The following PCDH15 variants were observed in gnomAD, a reference collection of about 807,000 sequenced individuals.
The protein encoded by PCDH15 is protocadherin related 15.
Under a neutral mutation model 178.5 loss-of-function variants are expected in PCDH15, and 129 were observed. The ratio of observed to expected loss-of-function variants is 0.72; its 90% CI spans 0.63 to 0.84. The LOEUF (loss-of-function observed/expected upper bound fraction) is 0.84, where lower values mean the gene tolerates loss of function less well. PCDH15 is among the 40% of genes least tolerant of loss of function. The pLI is 0.00. For missense variants in PCDH15, 2,230 were observed against 2,099.9 expected (o/e 1.06, Z -1.21); for synonymous variants, 800 against 732.0 (o/e 1.09, Z -1.50).
At chr10:55,435,756 A>G (rs183227224) in intron 2 of PCDH15, among the ~76,000 whole-genome samples, 6 of 152,306 alleles carry the variant, frequency 3.9e-5, no homozygotes, top group Admixed American at 6.5e-5. Flanking sequence ...GGGATTTATA[A>G]CTGTCGTAAA....
chr10:53,890,306 AG>A (rs1392052126), intron 26 of PCDH15, among the ~76,000 whole-genome samples: 1 of 152,184 alleles, frequency 6.6e-6, no homozygotes, highest in African/African-American at 2.4e-5. Context: ...ACATGCCTGT[AG>A]TCCCAGCTAC....
chr10:54,596,995 C>T (rs1192250699), intron 2 of PCDH15, among the ~76,000 whole-genome samples: 3 of 151,930 alleles, frequency 2.0e-5, no homozygotes, highest in Non-Finnish European at 2.9e-5. Context: ...CACAATAATA[C>T]GGGGAAATTT....
chr10:54,450,494 T>C (rs1219321239), intron 3 of PCDH15, among the ~76,000 whole-genome samples: 1 of 151,820 alleles, frequency 6.6e-6, no homozygotes, highest in African/African-American at 2.4e-5. Context: ...ACATATCTTC[T>C]TACGGCTTCT....
intron 15 of PCDH15, among the ~76,000 whole-genome samples, chr10:54,112,098 A>G (rs1023713191): frequency 7.2e-5 from 11 of 151,964 alleles, no homozygotes; most frequent in Non-Finnish European, 1.5e-5. Context: ...AGTCGAGATC[A>G]TGGCTACTGC....
At chr10:54,861,880 G>A (rs1953849452) in intron 3 of PCDH15, among the ~76,000 whole-genome samples, 1 of 152,114 alleles carries the variant, frequency 6.6e-6, no homozygotes, top group Admixed American at 6.6e-5. Flanking sequence ...GCTTCTCTCA[G>A]GAAATGACAT....
At chr10:53,918,283 A>G (rs1232128658) in intron 25 of PCDH15, among the ~76,000 whole-genome samples, 1 of 152,188 alleles carries the variant, frequency 6.6e-6, no homozygotes, top group Non-Finnish European at 1.5e-5. Context: ...TCTGCTTTGT[A>G]GATAAAGAAA....
chr10:54,164,493 A>C (rs2046014556), intron 13 of PCDH15, among the ~76,000 whole-genome samples: 1 of 152,210 alleles, frequency 6.6e-6, no homozygotes, highest in Non-Finnish European at 1.5e-5. Flanking sequence ...GTAAACTAAT[A>C]TACCCAGTTG....
At chr10:54,873,560 G>A (rs920703440) in intron 3 of PCDH15, among the ~76,000 whole-genome samples, 9 of 19,680 alleles carry the variant, frequency 4.6e-4, no homozygotes, top group Non-Finnish European at 1.0e-3. Flanking sequence ...ATACATATAC[G>A]TATGTGTGTG....
At chr10:55,040,011 A>G (rs1298605677) in intron 2 of PCDH15, among the ~76,000 whole-genome samples, 1 of 152,088 alleles carries the variant, frequency 6.6e-6, no homozygotes, top group Non-Finnish European at 1.5e-5. Flanking sequence ...TTTAGAACAA[A>G]TGGCTGTAAA....
At chr10:55,368,210 G>C (rs1344971882) in intron 2 of PCDH15, among the ~76,000 whole-genome samples, 3 of 151,964 alleles carry the variant, frequency 2.0e-5, no homozygotes, top group African/African-American at 4.8e-5. Context: ...TTTTGTCAAT[G>C]ATTTCATGTA....
At chr10:54,752,484 AAAAAAAAC>A (rs760370845) in intron 1 of PCDH15, among the ~76,000 whole-genome samples, 2,871 of 98,516 alleles carry the variant, frequency 0.029, 125 homozygotes, top group Non-Finnish European at 0.048. Context: ...CTCAAAAAAA[AAAAAAAAC>A]AAAAAACAAA....
At chr10:54,090,974 T>G (rs2136060358) in intron 15 of PCDH15, among the ~76,000 whole-genome samples, 1 of 152,310 alleles carries the variant, frequency 6.6e-6, no homozygotes, top group Middle Eastern at 3.4e-3. Flanking sequence ...CAATAAATAT[T>G]AACCTTTTTG....
At chr10:54,222,631 C>G (rs367806826) in intron 9 of PCDH15, among the ~76,000 whole-genome samples, 1 of 152,196 alleles carries the variant, frequency 6.6e-6, no homozygotes, top group Non-Finnish European at 1.5e-5. Context: ...AGATCTTCCA[C>G]ATTTTCACCA....
At chr10:54,188,954 T>C (rs1561674) in intron 11 of PCDH15, among the ~76,000 whole-genome samples, 67,173 of 151,768 alleles carry the variant, frequency 0.44, 17,869 homozygotes, top group East Asian at 0.94. Context: ...CAGTTTTAAT[T>C]ACTTGGTAGT....
chr10:55,353,888 T>G (rs1171165330), intron 2 of PCDH15, among the ~76,000 whole-genome samples: 1 of 152,100 alleles, frequency 6.6e-6, no homozygotes, highest in Non-Finnish European at 1.5e-5. Flanking sequence ...CCTTTCTCTC[T>G]TATAAAAATC....
At chr10:54,019,128 T>G (rs2092832560) in intron 20 of PCDH15, among the ~76,000 whole-genome samples, 1 of 152,054 alleles carries the variant, frequency 6.6e-6, no homozygotes, top group Non-Finnish European at 1.5e-5. Context: ...TTTTTCATCA[T>G]TCCAAGTCTA....
At chr10:55,597,578 T>C (rs2132138704) in intron 2 of PCDH15, among the ~76,000 whole-genome samples, 1 of 152,338 alleles carries the variant, frequency 6.6e-6, no homozygotes, top group East Asian at 1.9e-4. Flanking sequence ...TCTGTCTTAA[T>C]ACTTATATAA....
At chr10:55,394,671 T>C (rs1837878506) in intron 2 of PCDH15, among the ~76,000 whole-genome samples, 2 of 151,592 alleles carry the variant, frequency 1.3e-5, no homozygotes, top group Non-Finnish European at 2.9e-5. Flanking sequence ...GTAAAACATC[T>C]TCCAGTAGAA....
chr10:54,361,409 A>G (rs1054120821), intron 5 of PCDH15, among the ~76,000 whole-genome samples: 5 of 152,100 alleles, frequency 3.3e-5, no homozygotes, highest in African/African-American at 1.2e-4. Context: ...GCTGGATATA[A>G]TTAGAAAGCT....
Sources: gnomAD v4.1 joint callset for allele counts (sites outside exome capture counted in the v4.1 genomes callset) on GRCh38, gnomAD v4.1.1 for gene constraint, MANE v1.5 for transcripts, NCBI Gene and HGNC (gene_info 2026-07-23, HGNC 2026-07-21) for gene names.